The following PALLD variants were observed in gnomAD, a reference collection of about 807,000 sequenced individuals.
PALLD encodes the protein palladin, cytoskeletal associated protein, also known as palladin.
Under a neutral mutation model 123.5 loss-of-function variants are expected in PALLD, and 61 were observed. The observed-to-expected ratio is 0.49, with a 90% CI of 0.40 to 0.61. The LOEUF (loss-of-function observed/expected upper bound fraction) is 0.61, where lower values mean the gene tolerates loss of function less well. Among genes scored for constraint, PALLD ranks in the 20% least tolerant of loss-of-function variants. The pLI is 0.00. For missense variants in PALLD, 1,273 were observed against 1,377.0 expected, an observed-to-expected ratio of 0.92 and a Z score of 1.20; for synonymous variants, 465 against 496.4, an observed-to-expected ratio of 0.94 and a Z score of 0.84.
chr4:168,810,032 C>T (rs924246382), intron 10 of PALLD, among the ~76,000 whole-genome samples: 4 of 150,226 alleles, frequency 2.7e-5, no homozygotes, highest in East Asian at 2.0e-4. Context: ...TAAAGATTAA[C>T]ATTCTGAAGA....
intron 2 of PALLD, among the ~76,000 whole-genome samples, chr4:168,525,489 C>T (rs1375398340): frequency 6.6e-6 from 1 of 152,170 alleles, no homozygotes; most frequent in East Asian, 1.9e-4. Context: ...TGGCGTGCCT[C>T]AGTTTGGGGT....
intron 10 of PALLD, among the ~76,000 whole-genome samples, chr4:168,818,951 T>G (rs1742340309): frequency 6.6e-6 from 1 of 152,198 alleles, no homozygotes. Context: ...GCTAGTGTGT[T>G]ATACATACAT....
intron 2 of PALLD, among the ~76,000 whole-genome samples, chr4:168,551,298 G>A (rs1766705091): frequency 6.6e-6 from 1 of 152,058 alleles, no homozygotes; most frequent in South Asian, 2.1e-4. Flanking sequence ...AGCAATCTGA[G>A]GAAACTCTAG....
intron 10 of PALLD, among the ~76,000 whole-genome samples, chr4:168,825,770 T>C (rs1270680478): frequency 6.6e-6 from 1 of 152,200 alleles, no homozygotes; most frequent in Non-Finnish European, 1.5e-5. Flanking sequence ...GAATCATGGC[T>C]GATCTGGGTG....
At chr4:168,596,181 T>C (rs565580594) in intron 2 of PALLD, among the ~76,000 whole-genome samples, 14 of 152,248 alleles carry the variant, frequency 9.2e-5, no homozygotes, top group South Asian at 2.1e-4. Context: ...GATTTCAAGA[T>C]GAATGAGACA....
chr4:168,738,437 T>C (rs1787975707), intron 10 of PALLD, among the ~76,000 whole-genome samples: 2 of 152,030 alleles, frequency 1.3e-5, no homozygotes, highest in African/African-American at 4.8e-5. Flanking sequence ...CATTTTTTAT[T>C]TTTATTCTTT....
chr4:168,917,900 C>T (rs149303984), intron 17 of PALLD, among the ~76,000 whole-genome samples: 145 of 151,878 alleles, frequency 9.5e-4, no homozygotes, highest in African/African-American at 3.3e-3. Context: ...CTTATATATC[C>T]GAGGAAAATG....
rs774037793 is a variant in PALLD, at chr4:168,685,520, T to A, written c.1296T>A (p.Asp432Glu). The change falls in exon 6 of 22, where the codon GAT becomes GAA. Residue 432 changes from aspartate to glutamate, a missense_variant. By Grantham distance (45) the Asp-to-Glu change is conservative. Transcript: ENST00000505667. The stretch of plus-strand genomic sequence containing the variant: ...CAACTTCATATCTCTGCCGACCTGA[T>A]GGAACCACTACTGCCTACTTTCCTC... ...HSPTSYLCRP[D>E]GTTTAYFPPV... 3 of 1,612,904 alleles carry A rather than the reference T, an allele frequency of 1.9e-6. No homozygotes were observed. The highest frequency in any genetic ancestry group is 2.5e-6 in the Non-Finnish European group (3 of 1,178,850).
At chr4:168,807,348 C>T (rs923868607) in intron 10 of PALLD, among the ~76,000 whole-genome samples, 3 of 151,980 alleles carry the variant, frequency 2.0e-5, no homozygotes, top group Non-Finnish European at 2.9e-5. Context: ...CTTCCTGATT[C>T]CTGACTGTAT....
At chr4:168,571,843 A>G (rs950272048) in intron 2 of PALLD, among the ~76,000 whole-genome samples, 11 of 152,286 alleles carry the variant, frequency 7.2e-5, no homozygotes, top group Non-Finnish European at 1.5e-4. Flanking sequence ...GAATAATTCT[A>G]TTGCCTCGAG....
chr4:168,544,446 G>T (rs1427705864), intron 2 of PALLD, among the ~76,000 whole-genome samples: 1 of 152,192 alleles, frequency 6.6e-6, no homozygotes, highest in Non-Finnish European at 1.5e-5. Flanking sequence ...CTATTTATAG[G>T]TGTATCCATT....
chr4:168,839,600 G>GGGGTAAGGGAC (rs1307773116), intron 10 of PALLD, among the ~76,000 whole-genome samples: 2 of 151,418 alleles, frequency 1.3e-5, no homozygotes, highest in Non-Finnish European at 2.9e-5. Flanking sequence ...GGGGATGGGA[G>GGGGTAAGGGAC]GGGTAAGGGA....
chr4:168,918,635 A>G (rs747336579), intron 17 of PALLD, among the ~76,000 whole-genome samples: 9 of 152,182 alleles, frequency 5.9e-5, no homozygotes, highest in Non-Finnish European at 1.2e-4. Context: ...TATAGTTAAT[A>G]ACGATGTACT....
chr4:168,667,907 T>C (rs561285085), intron 2 of PALLD, among the ~76,000 whole-genome samples: 1 of 152,374 alleles, frequency 6.6e-6, no homozygotes, highest in South Asian at 2.1e-4. Context: ...ACACTGAGTT[T>C]CTGTTCCTTT....
chr4:168,893,899 G>T (rs568743809), intron 11 of PALLD, among the ~76,000 whole-genome samples: 1 of 152,320 alleles, frequency 6.6e-6, no homozygotes, highest in African/African-American at 2.4e-5. Flanking sequence ...GTTAGCTTTG[G>T]CAAGTGTCTT....
At chr4:168,520,187 G>A (rs948444524) in intron 2 of PALLD, among the ~76,000 whole-genome samples, 2 of 151,890 alleles carry the variant, frequency 1.3e-5, no homozygotes, top group African/African-American at 4.8e-5. Flanking sequence ...TTAGCCGGGC[G>A]TGGTGGCGGG....
intron 2 of PALLD, among the ~76,000 whole-genome samples, chr4:168,595,021 C>T (rs1274959084): frequency 1.3e-5 from 2 of 152,100 alleles, no homozygotes; most frequent in Non-Finnish European, 2.9e-5. Flanking sequence ...AGGTCAAATG[C>T]ATTTGAACCA....
intron 2 of PALLD, among the ~76,000 whole-genome samples, chr4:168,626,467 T>C (rs968658983): frequency 1.4e-5 from 2 of 148,110 alleles, no homozygotes; most frequent in Non-Finnish European, 3.0e-5. Flanking sequence ...CCCAGCACTG[T>C]GGGAGGCAGA....
intron 2 of PALLD, among the ~76,000 whole-genome samples, chr4:168,566,066 A>G (rs1427797491): frequency 6.6e-6 from 1 of 152,190 alleles, no homozygotes; most frequent in Non-Finnish European, 1.5e-5. Context: ...CAGAGATAAC[A>G]TAGGATAAAT....
Sources: gnomAD v4.1 joint callset for allele counts (sites outside exome capture counted in the v4.1 genomes callset) on GRCh38, gnomAD v4.1.1 for gene constraint, MANE v1.5 for transcripts, NCBI Gene and HGNC (gene_info 2026-07-23, HGNC 2026-07-21) for gene names.